Variants in CACNA2D3 observed in about 807,000 individuals in gnomAD.
The protein encoded by CACNA2D3 is voltage-dependent calcium channel subunit alpha-2/delta-3.
CACNA2D3 carries 60 observed loss-of-function variants against 160.6 expected under a neutral mutation model. The ratio of observed to expected loss-of-function variants is 0.37; its 90% CI spans 0.30 to 0.46. The LOEUF (loss-of-function observed/expected upper bound fraction) is 0.46, where lower values mean the gene tolerates loss of function less well. Among genes scored for constraint, CACNA2D3 ranks in the 20% least tolerant of loss-of-function variants. CACNA2D3 has a pLI of 1.00. For missense variants in CACNA2D3, 1,205 were observed against 1,365.0 expected (o/e 0.88, Z 1.85); for synonymous variants, 558 against 492.9 (o/e 1.13, Z -1.75).
intron 11 of CACNA2D3, among the ~76,000 whole-genome samples, chr3:54,736,067 ATATATACATATATATGTATGTG>A (rs1701508187): frequency 3.7e-5 from 1 of 27,238 alleles, no homozygotes; most frequent in African/African-American, 8.9e-5. Flanking sequence ...GTATGTATAT[ATATATACATATATATGTATGTG>A]TATATATATA....
chr3:54,617,168 G>C (rs542616052), intron 9 of CACNA2D3, among the ~76,000 whole-genome samples: 4 of 152,284 alleles, frequency 2.6e-5, no homozygotes, highest in African/African-American at 9.6e-5. Flanking sequence ...ATGTGGAAGT[G>C]CATGTGTTTT....
chr3:54,129,935 G>C (rs934976872), intron 2 of CACNA2D3, among the ~76,000 whole-genome samples: 1 of 152,212 alleles, frequency 6.6e-6, no homozygotes, highest in African/African-American at 2.4e-5. Flanking sequence ...GGATGTTAGA[G>C]AGGCTGACTT....
At chr3:54,508,944 C>G (rs1194297765) in intron 5 of CACNA2D3, among the ~76,000 whole-genome samples, 1 of 152,214 alleles carries the variant, frequency 6.6e-6, no homozygotes, top group Non-Finnish European at 1.5e-5. Flanking sequence ...GGGCAGAAGT[C>G]TGATGAGATG....
At chr3:54,673,598 C>T (rs1319513680) in intron 11 of CACNA2D3, among the ~76,000 whole-genome samples, 1 of 152,160 alleles carries the variant, frequency 6.6e-6, no homozygotes, top group Non-Finnish European at 1.5e-5. Flanking sequence ...GAACTTTTCA[C>T]ATGTTATCAA....
chr3:54,803,573 A>G (rs1172333793), intron 13 of CACNA2D3, among the ~76,000 whole-genome samples: 3 of 152,228 alleles, frequency 2.0e-5, no homozygotes. Context: ...ACAAATCTAC[A>G]TCTGATTGGT....
In CACNA2D3 at chr3:54,720,677, T is replaced by G. The variant is rs536429240; in HGVS notation, c.1168-31922T>G. ...TGCTGTATTTGCTTATTCTATCAGT[T>G]GGAATTCCCCACTATGATATTGTAT... On this transcript the variant is annotated intron_variant, in intron 11 of 37. Transcript: ENST00000474759. Among the ~76,000 whole-genome samples, 284 of 152,238 alleles carry G rather than the reference T, an allele frequency of 1.9e-3. 1 individual carries two copies. The highest frequency in any genetic ancestry group is 7.7e-3 in the South Asian group (37 of 4,834).
At chr3:54,911,095 T>C (rs1483937821) in intron 27 of CACNA2D3, among the ~76,000 whole-genome samples, 3 of 152,168 alleles carry the variant, frequency 2.0e-5, no homozygotes, top group African/African-American at 7.2e-5. Flanking sequence ...TTACATCGTT[T>C]CATTCATAAA....
At chr3:54,674,220 T>A (rs747200631) in intron 11 of CACNA2D3, among the ~76,000 whole-genome samples, 1 of 152,202 alleles carries the variant, frequency 6.6e-6, no homozygotes, top group Non-Finnish European at 1.5e-5. Flanking sequence ...ATAAATGTGG[T>A]CCCCAGGGTT....
chr3:54,618,524 T>C (rs1443028450), intron 9 of CACNA2D3, among the ~76,000 whole-genome samples: 2 of 151,990 alleles, frequency 1.3e-5, no homozygotes, highest in Non-Finnish European at 2.9e-5. Flanking sequence ...ACAGAGATCA[T>C]TGAAACACAT....
intron 27 of CACNA2D3, among the ~76,000 whole-genome samples, chr3:54,937,432 G>A (rs181521341): frequency 1.9e-4 from 29 of 152,244 alleles, no homozygotes; most frequent in Admixed American, 7.8e-4. Context: ...CTGGCCCTGT[G>A]GAACCCACAT....
intron 9 of CACNA2D3, among the ~76,000 whole-genome samples, chr3:54,598,458 A>G (rs575109605): frequency 7.4e-4 from 113 of 152,250 alleles, no homozygotes; most frequent in African/African-American, 2.7e-3. Context: ...CAGCATCTTA[A>G]CAAATGTAAT....
intron 5 of CACNA2D3, among the ~76,000 whole-genome samples, chr3:54,511,218 C>T (rs990381081): frequency 2.0e-5 from 3 of 152,234 alleles, no homozygotes; most frequent in African/African-American, 7.2e-5. Flanking sequence ...TCTCCAGAAA[C>T]ATCCTCTGCC....
At chr3:54,929,256 A>G (rs1405952499) in intron 27 of CACNA2D3, among the ~76,000 whole-genome samples, 1 of 152,160 alleles carries the variant, frequency 6.6e-6, no homozygotes, top group Non-Finnish European at 1.5e-5. Context: ...AGGATTAAAT[A>G]TGGCAGTACA....
chr3:54,591,249 T>TA (rs1283927623), intron 9 of CACNA2D3, among the ~76,000 whole-genome samples: 1 of 152,206 alleles, frequency 6.6e-6, no homozygotes, highest in Admixed American at 6.5e-5. Context: ...CACTGGATGT[T>TA]AGGAGTCATC....
rs3732748 is a variant in CACNA2D3, at chr3:54,764,231, G to C, written c.1260G>C (p.Gln420His). The C allele has an allele frequency of 6.2e-7, 1 of 1,613,098 alleles. No individual in the cohort carries two copies. Among genetic ancestry groups the C allele is most frequent in the South Asian group, 1.1e-5 (1 of 91,014 alleles). Residue 420 changes from glutamine (Q) to histidine (H), a missense_variant, in exon 13 of 38, where the codon CAG becomes CAC. This residue lies in a region of CACNA2D3 where 911 missense variants were observed against 1,002.2 expected (regional missense o/e 0.91). Transcript: ENST00000474759. ...GGGTTTTGACAGGATTTTTTACCCA[G>C]ATCTCCACCTTGGCTGATGTGCAGG... ...MACANKGFFT[Q>H]ISTLADVQEN...
chr3:54,787,468 C>T (rs1398722058), intron 13 of CACNA2D3, among the ~76,000 whole-genome samples: 1 of 152,198 alleles, frequency 6.6e-6, no homozygotes, highest in African/African-American at 2.4e-5. Context: ...AACTTTTCAT[C>T]TACCCTCTTA....
intron 4 of CACNA2D3, among the ~76,000 whole-genome samples, chr3:54,427,334 G>T (rs990728794): frequency 2.0e-5 from 3 of 152,054 alleles, no homozygotes; most frequent in Non-Finnish European, 2.9e-5. Context: ...TTCTCCTTGG[G>T]TCTCCCATCC....
chr3:54,289,347 C>G lies in CACNA2D3; in HGVS notation c.205-31095C>G, dbSNP rs543321046. 2.1e-3 allele frequency among the ~76,000 whole-genome samples: 315 copies of G among 152,142 alleles called. 3 individuals are homozygous for G. The highest frequency in any genetic ancestry group is 7.0e-3 in the African/African-American group (292 of 41,472). Reference sequence around the variant, plus strand: ...ATAAAATACCTAGGAATCCAACTTACAAGGGACATGAAGGACCTCTTCAAG... The same window carrying G: ...ATAAAATACCTAGGAATCCAACTTAGAAGGGACATGAAGGACCTCTTCAAG... On this transcript the variant is annotated intron_variant, in intron 2 of 37. Transcript: ENST00000474759.
intron 3 of CACNA2D3, among the ~76,000 whole-genome samples, chr3:54,334,147 T>C (rs985676708): frequency 1.3e-5 from 2 of 152,164 alleles, no homozygotes; most frequent in Non-Finnish European, 2.9e-5. Context: ...AGTGCAGTAG[T>C]GTGATCTCGG....
Sources: allele counts gnomAD v4.1 joint callset (sites outside exome capture counted in the v4.1 genomes callset), GRCh38; gene constraint gnomAD v4.1.1; regional missense constraint gnomAD v4.1.1; transcripts MANE v1.5; gene names NCBI Gene and HGNC (gene_info 2026-07-23, HGNC 2026-07-21).